CWC27: variants seen among roughly 807,000 people sequenced by gnomAD.
CWC27 encodes the protein CWC27 spliceosome associated cyclophilin, also known as spliceosome-associated protein CWC27 homolog.
In CWC27, 47 loss-of-function variants were observed where a neutral mutation model predicts 63.6. The ratio of observed to expected loss-of-function variants is 0.74; its 90% CI spans 0.58 to 0.94. The LOEUF (loss-of-function observed/expected upper bound fraction) is 0.94, where lower values mean the gene tolerates loss of function less well. CWC27 is among the 40% of genes least tolerant of loss of function. The pLI is 0.00. For synonymous variants in CWC27, 175 were observed against 179.8 expected (o/e 0.97, Z 0.22); for missense variants, 495 against 554.3 (o/e 0.89, Z 1.07).
chr5:64,897,834 A>G (rs984963177), intron 11 of CWC27, among the ~76,000 whole-genome samples: 8 of 152,216 alleles, frequency 5.3e-5, no homozygotes, highest in Non-Finnish European at 1.2e-4. Context: ...ACTTCAGTTT[A>G]CCAGGAAAAT....
chr5:65,018,220 G>C lies in CWC27; in HGVS notation c.1318G>C (p.Asp440His). The change falls in exon 14 of 14, where the codon GAC (aspartate) becomes CAC (histidine). Residue 440 changes from aspartate to histidine, a missense_variant. Coordinates refer to ENST00000381070, the MANE Select transcript of CWC27 (RefSeq NM_005869.4). Reference protein sequence around the residue: ...SRKVKDASMQDSDTFEIYDPR... With the variant: ...SRKVKDASMQHSDTFEIYDPR... ...AAAAGTGAAAGATGCAAGCATGCAA[G>C]ACTCAGATACATTTGAAATCTATGA... The C allele has an allele frequency of 6.2e-7, 1 of 1,609,478 alleles. No homozygotes were observed. The highest frequency in any genetic ancestry group is 8.5e-7 in the Non-Finnish European group (1 of 1,178,410).
chr5:64,883,639 G>A (rs973227033), intron 10 of CWC27, among the ~76,000 whole-genome samples: 3 of 152,124 alleles, frequency 2.0e-5, no homozygotes, highest in Non-Finnish European at 4.4e-5. Flanking sequence ...AAAGGAAGAG[G>A]AGAAATGAGA....
chr5:64,941,508 A>G (rs1490358639), intron 11 of CWC27, among the ~76,000 whole-genome samples: 1 of 151,846 alleles, frequency 6.6e-6, no homozygotes, highest in Non-Finnish European at 1.5e-5. Context: ...CAGAAATATA[A>G]AACATTTATT....
chr5:64,972,694 C>G (rs1749149222), intron 12 of CWC27: 1 of 453,588 alleles, frequency 2.2e-6, no homozygotes, highest in Non-Finnish European at 4.4e-6. Flanking sequence ...ACAAAGTCTT[C>G]TAAATAGCAA....
At chr5:64,805,107 A>G (rs907436652) in intron 10 of CWC27, among the ~76,000 whole-genome samples, 1 of 152,048 alleles carries the variant, frequency 6.6e-6, no homozygotes, top group Admixed American at 6.6e-5. Context: ...AACTACATTT[A>G]AATAACATTC....
chr5:64,988,349 T>C (rs2112455789), intron 13 of CWC27, among the ~76,000 whole-genome samples: 1 of 152,306 alleles, frequency 6.6e-6, no homozygotes, highest in Admixed American at 6.5e-5. Context: ...ATGATTCTCT[T>C]ATGCCAAGTA....
intron 10 of CWC27, among the ~76,000 whole-genome samples, chr5:64,881,674 T>C (rs1043616262): frequency 1.3e-5 from 2 of 152,018 alleles, no homozygotes; most frequent in East Asian, 1.9e-4. Context: ...AGTGATAGAG[T>C]TGGCTTTTAA....
chr5:64,966,726 T>C (rs898547499), intron 11 of CWC27, among the ~76,000 whole-genome samples: 2 of 152,142 alleles, frequency 1.3e-5, no homozygotes, highest in African/African-American at 4.8e-5. Context: ...GCATGTGCTT[T>C]AGGTTACTGT....
chr5:64,804,360 A>G lies in CWC27; in HGVS notation c.912A>G (p.Glu304=), dbSNP rs747116169. The change falls in exon 10 of 14, where the codon GAA becomes GAG. Residue 304 remains glutamate (E), a synonymous_variant. Coordinates refer to ENST00000381070, the MANE Select transcript of CWC27 (RefSeq NM_005869.4). The part of the protein sequence containing the change: ...SANVKSAGEG[E]VEKKSVSRSE... ...ATGTTAAATCAGCTGGAGAAGGAGAAGTGGAGAAGAAATCAGTCAGCCGCA... is the reference window on the plus strand; with the variant it reads ...ATGTTAAATCAGCTGGAGAAGGAGAGGTGGAGAAGAAATCAGTCAGCCGCA... The G allele has an allele frequency of 6.2e-7, 1 of 1,611,986 alleles. No individual in the cohort carries two copies. The highest frequency in any genetic ancestry group is 1.1e-5 in the South Asian group (1 of 90,918).
chr5:64,888,249 AT>A (rs1747123468), intron 11 of CWC27, among the ~76,000 whole-genome samples: 1 of 149,096 alleles, frequency 6.7e-6, no homozygotes, highest in Middle Eastern at 3.6e-3. Flanking sequence ...TTTGAAAAAA[AT>A]AAATAATAAT....
At chr5:64,812,543 A>G (rs1049359991) in intron 10 of CWC27, among the ~76,000 whole-genome samples, 1 of 152,156 alleles carries the variant, frequency 6.6e-6, no homozygotes, top group Non-Finnish European at 1.5e-5. Flanking sequence ...AGTAATCCAA[A>G]TGTTGTATTT....
intron 13 of CWC27, among the ~76,000 whole-genome samples, chr5:64,992,091 G>A (rs1749546955): frequency 6.6e-6 from 1 of 152,130 alleles, no homozygotes. Context: ...CATTTTTTAA[G>A]CAAATATTTG....
chr5:64,932,106 T>A (rs766161436), intron 11 of CWC27, among the ~76,000 whole-genome samples: 2 of 152,150 alleles, frequency 1.3e-5, no homozygotes, highest in Non-Finnish European at 2.9e-5. Flanking sequence ...TGTATTAATT[T>A]ATTTAATCTT....
At chr5:64,785,443 C>A in intron 4 of CWC27, 38 bp from the exon 5 acceptor site, 2 of 961,268 alleles carry the variant, frequency 2.1e-6, no homozygotes, top group Non-Finnish European at 2.9e-6. Flanking sequence ...AGGATGAGTG[C>A]AATAATTTTC....
chr5:64,803,727 T>C (rs1228292009), intron 9 of CWC27, among the ~76,000 whole-genome samples: 2 of 151,504 alleles, frequency 1.3e-5, no homozygotes, highest in East Asian at 3.9e-4. Flanking sequence ...GTCAGGGAGG[T>C]TTAGATTGCA....
chr5:64,861,287 G>A (rs535555098), intron 10 of CWC27, among the ~76,000 whole-genome samples: 70 of 151,438 alleles, frequency 4.6e-4, no homozygotes, highest in African/African-American at 1.7e-3. Flanking sequence ...TACTAATAAG[G>A]ATCAAGCCTC....
Position 65,005,128 on chromosome 5 carries a change from C to T in CWC27, c.1257-13031C>T, listed in dbSNP as rs374953158. ...ACCAGGTGGGTTGATCCATGGGTAC[C>T]AGTACTGGCAGTAGCAGGCAGGGCA... On this transcript the variant is annotated intron_variant, in intron 13 of 13. Transcript: ENST00000381070. 9.9e-4 allele frequency among the ~76,000 whole-genome samples: 151 copies of T among 151,830 alleles called. 1 individual carries two copies. The highest frequency in any genetic ancestry group is 3.5e-3 in the African/African-American group (145 of 41,380).
rs188044704 is a variant in CWC27 at position 64,824,510 on chromosome 5, G to A, written c.938+20124G>A. ...AGTAAGTGGACTACTAAAGATGGTT[G>A]TGCATATTGTGACCTGAAAAGGGAA... On this transcript the variant is annotated intron_variant, in intron 10 of 13. Transcript: ENST00000381070. 1.3e-3 allele frequency among the ~76,000 whole-genome samples: 192 copies of A among 152,190 alleles called. 4 individuals are homozygous for A. Among genetic ancestry groups the A allele is most frequent in the Non-Finnish European group, 1.3e-4 (9 of 68,004 alleles).
intron 11 of CWC27, among the ~76,000 whole-genome samples, chr5:64,931,658 C>T (rs1748239141): frequency 6.6e-6 from 1 of 151,950 alleles, no homozygotes; most frequent in African/African-American, 2.4e-5. Context: ...CCCAAAACTA[C>T]TCACGACTCA....
Sources: allele counts gnomAD v4.1 joint callset (sites outside exome capture counted in the v4.1 genomes callset), GRCh38; gene constraint gnomAD v4.1.1; transcripts MANE v1.5; gene names NCBI Gene and HGNC (gene_info 2026-07-23, HGNC 2026-07-21).